The following GSK3B variants were observed in gnomAD, a reference collection of about 807,000 sequenced individuals.
GSK3B encodes the protein glycogen synthase kinase-3 beta.
In GSK3B, 15 loss-of-function variants were observed where a neutral mutation model predicts 56.4. The observed-to-expected ratio is 0.27, with a 90% CI of 0.18 to 0.41. The LOEUF (loss-of-function observed/expected upper bound fraction) is 0.41, where lower values mean the gene tolerates loss of function less well. Among genes scored for constraint, GSK3B ranks in the 10% least tolerant of loss-of-function variants. The pLI, the probability that GSK3B is intolerant of heterozygous loss-of-function variation, is 1.00. For missense variants in GSK3B, 300 were observed against 513.4 expected (o/e 0.58, Z 4.02); for synonymous variants, 181 against 188.9 (o/e 0.96, Z 0.34).
At position 119,822,696 on chromosome 3, in the gene GSK3B, A is replaced by G. The variant is rs1577292990; in HGVS notation, c.*4092T>C. On this transcript the variant is annotated 3_prime_UTR_variant, in exon 11 of 11. Coordinates refer to ENST00000264235, the MANE Select transcript of GSK3B (RefSeq NM_001146156.2). The stretch of plus-strand genomic sequence containing the variant: ...GGCTCAGGTTTCTACCAGAAAAGAC[A>G]GATTTTATTGTAAAGCATACCTACT... 1 of 228,684 alleles carries G rather than the reference A, an allele frequency of 4.4e-6. No individual in the cohort carries two copies. The highest frequency in any genetic ancestry group is 6.3e-5 in the East Asian group (1 of 15,942). 14.2% of individuals were successfully genotyped at this position (228,684 alleles called of 1,614,324 possible).
intron 3 of GSK3B, among the ~76,000 whole-genome samples, chr3:119,931,354 G>A (rs1377144383): frequency 1.3e-5 from 2 of 152,222 alleles, no homozygotes; most frequent in African/African-American, 2.4e-5. Flanking sequence ...AGTGGCTCAC[G>A]CCAGCAGTCC....
At chr3:119,930,363 G>A (rs1006584650) in intron 3 of GSK3B, among the ~76,000 whole-genome samples, 6 of 151,972 alleles carry the variant, frequency 3.9e-5, no homozygotes, top group Non-Finnish European at 8.8e-5. Context: ...GCAACAGTTG[G>A]TAAATCACAC....
At chr3:119,932,388 T>C (rs1001221247) in intron 3 of GSK3B, among the ~76,000 whole-genome samples, 2 of 152,066 alleles carry the variant, frequency 1.3e-5, no homozygotes, top group African/African-American at 4.8e-5. Context: ...ACCTTTTTGC[T>C]TGAGAGGCTG....
intron 7 of GSK3B, among the ~76,000 whole-genome samples, chr3:119,895,340 T>C (rs2056550483): frequency 6.6e-6 from 1 of 152,170 alleles, no homozygotes; most frequent in Admixed American, 6.6e-5. Flanking sequence ...CACTGATAGG[T>C]ACTTACGTTG....
In GSK3B at chr3:119,948,267, G is replaced by A. The variant is rs143110168; in HGVS notation, c.283-916C>T. Among the ~76,000 whole-genome samples the A allele has an allele frequency of 4.6e-5, 7 of 152,210 alleles. No homozygotes were observed. The East Asian group carries it at 5.8e-4, about 13-fold the overall frequency. On this transcript the variant is annotated intron_variant, in intron 2 of 10. Transcript: ENST00000264235. ...GAATCTGGAAAGGAAATGGTGTTACGGTCAGAAAAGAGGCCAAGAAGGATG... is the reference window on the plus strand; with the variant it reads ...GAATCTGGAAAGGAAATGGTGTTACAGTCAGAAAAGAGGCCAAGAAGGATG...
chr3:120,066,386 A>G (rs916208956), intron 1 of GSK3B, among the ~76,000 whole-genome samples: 1 of 152,186 alleles, frequency 6.6e-6, no homozygotes, highest in Non-Finnish European at 1.5e-5. Context: ...GGAAAGATAA[A>G]AAGAGCCAAC....
At position 119,912,795 on chromosome 3, in the gene GSK3B, G is replaced by A. The variant is rs1576194347; in HGVS notation, c.624C>T (p.Val208=). The change falls in exon 6 of 11, where the codon GTC becomes GTT. Residue 208 remains valine (V), a synonymous_variant. Transcript: ENST00000264235. ...LCDFGSAKQL[V]RGEPNVSYIC... is the part of the protein sequence containing the mutation. ...TATACGAAACATTGGGTTCTCCTCG[G>A]ACCAGCTGCTTTGCACTAACAGAAA... 3.2e-6 allele frequency: 5 copies of A among 1,579,986 alleles called. No homozygotes were observed. The highest frequency in any genetic ancestry group is 4.3e-6 in the Non-Finnish European group (5 of 1,153,948).
intron 2 of GSK3B, among the ~76,000 whole-genome samples, chr3:119,999,163 C>T (rs2057651758): frequency 6.6e-6 from 1 of 151,976 alleles, no homozygotes. Flanking sequence ...TGAAATAAAA[C>T]CAATCTCTCT....
At chr3:120,038,818 T>TAAAA (rs60085357) in intron 1 of GSK3B, among the ~76,000 whole-genome samples, 13 of 121,906 alleles carry the variant, frequency 1.1e-4, no homozygotes, top group African/African-American at 3.9e-4. Context: ...GCACAGTCCA[T>TAAAA]AAAAAAAAAA....
intron 9 of GSK3B, among the ~76,000 whole-genome samples, chr3:119,861,207 T>A (rs189290399): frequency 2.5e-3 from 376 of 152,156 alleles, no homozygotes; most frequent in African/African-American, 8.7e-3. Context: ...GAGTATCATA[T>A]CAAATAGAAT....
chr3:119,916,403 T>C (rs2056781575), intron 4 of GSK3B, among the ~76,000 whole-genome samples: 1 of 152,170 alleles, frequency 6.6e-6, no homozygotes, highest in South Asian at 2.1e-4. Context: ...CTTCATTCTT[T>C]AATAACTCAA....
chr3:119,998,435 C>T (rs1201329292), intron 2 of GSK3B, among the ~76,000 whole-genome samples: 1 of 152,200 alleles, frequency 6.6e-6, no homozygotes, highest in African/African-American at 2.4e-5. Flanking sequence ...GATGAGACTG[C>T]AGCTCCAGCT....
At chr3:119,926,870 C>A (rs2056893928) in intron 3 of GSK3B, among the ~76,000 whole-genome samples, 6 of 152,134 alleles carry the variant, frequency 3.9e-5, no homozygotes, top group Admixed American at 3.9e-4. Flanking sequence ...CTTAGTATGG[C>A]TTTCCTTAAT....
At chr3:119,923,188 C>T (rs1001137271) in intron 4 of GSK3B, among the ~76,000 whole-genome samples, 185 bp downstream of exon 4, 2 of 152,044 alleles carry the variant, frequency 1.3e-5, no homozygotes, top group African/African-American at 4.8e-5. Context: ...AGTTATAAAA[C>T]TTCAAAAGGT....
chr3:120,028,579 C>T (rs1358575608), intron 1 of GSK3B, among the ~76,000 whole-genome samples: 1 of 152,240 alleles, frequency 6.6e-6, no homozygotes, highest in Non-Finnish European at 1.5e-5. Context: ...TCAGCTCTAC[C>T]TCTTCTGTGA....
At chr3:119,843,443 C>T (rs1194347940) in intron 9 of GSK3B, 90 bp from the exon 10 acceptor site, 1 of 650,170 alleles carries the variant, frequency 1.5e-6, no homozygotes, top group Non-Finnish European at 2.6e-6. Flanking sequence ...TAAGATTCTG[C>T]ATTAAACTAC....
chr3:119,841,361 A>T (rs147886320), intron 10 of GSK3B, among the ~76,000 whole-genome samples: 38 of 152,328 alleles, frequency 2.5e-4, no homozygotes, highest in Admixed American at 8.5e-4. Flanking sequence ...GTTACTTTAA[A>T]CTGCTCAAAA....
At chr3:120,003,642 T>C (rs1334788548) in intron 1 of GSK3B, among the ~76,000 whole-genome samples, 1 of 152,238 alleles carries the variant, frequency 6.6e-6, no homozygotes, top group Non-Finnish European at 1.5e-5. Context: ...TAAATGAATA[T>C]CCAAATGCAC....
chr3:120,046,769 C>A (rs941597037), intron 1 of GSK3B, among the ~76,000 whole-genome samples: 15 of 152,064 alleles, frequency 9.9e-5, no homozygotes, highest in African/African-American at 3.6e-4. Flanking sequence ...CCACCATGCC[C>A]AGCTAATTTT....
Sources: allele counts gnomAD v4.1 joint callset (sites outside exome capture counted in the v4.1 genomes callset), GRCh38; gene constraint gnomAD v4.1.1; transcripts MANE v1.5; gene names NCBI Gene and HGNC (gene_info 2026-07-23, HGNC 2026-07-21).